The following LMAN1 variants were observed in gnomAD, a reference collection of about 807,000 sequenced individuals.
LMAN1 encodes the protein lectin, mannose binding 1, also known as protein ERGIC-53.
Under a neutral mutation model 67.8 loss-of-function variants are expected in LMAN1, and 32 were observed. The ratio of observed to expected loss-of-function variants is 0.47; its 90% CI spans 0.36 to 0.63. The LOEUF is 0.63. LMAN1 is among the 30% of genes least tolerant of loss of function. The probability of loss-of-function intolerance (pLI) is 0.00; values close to 1 mark genes in which losing one functional copy is unlikely to be tolerated. For synonymous variants in LMAN1, 235 were observed against 219.3 expected, an observed-to-expected ratio of 1.07 and a Z score of -0.63; for missense variants, 632 against 628.2, an observed-to-expected ratio of 1.01 and a Z score of -0.06.
chr18:59,346,280 G>C (rs1020486895), intron 7 of LMAN1, among the ~76,000 whole-genome samples: 2 of 137,778 alleles, frequency 1.5e-5, no homozygotes, highest in Non-Finnish European at 3.0e-5. Flanking sequence ...GAGTGCAGTA[G>C]CGTGATCTCG....
At chr18:59,358,936 G>A in intron 1 of LMAN1, 95 bp downstream of exon 1, 4 of 1,270,732 alleles carry the variant, frequency 3.1e-6, no homozygotes, top group Admixed American at 3.5e-5. Context: ...TGCTGGAACG[G>A]GAACCTCAGC....
chr18:59,345,523 A>G (rs1053589204), intron 8 of LMAN1, among the ~76,000 whole-genome samples: 20 of 152,216 alleles, frequency 1.3e-4, no homozygotes, highest in Non-Finnish European at 2.1e-4. Context: ...AAAACCAAAA[A>G]TATACACTTT....
intron 10 of LMAN1, 64 bp downstream of exon 10, chr18:59,338,493 T>TG (rs1176667631): frequency 2.3e-6 from 3 of 1,322,676 alleles, no homozygotes; most frequent in Non-Finnish European, 3.2e-6. Context: ...CTTGCACACC[T>TG]GAAGTCACAA....
At chr18:59,340,551 A>C (rs1234223292) in intron 8 of LMAN1, among the ~76,000 whole-genome samples, 1 of 152,178 alleles carries the variant, frequency 6.6e-6, no homozygotes, top group African/African-American at 2.4e-5. Flanking sequence ...TCAGCTTCAC[A>C]AATGAAGAAG....
rs2070724028 is a variant in LMAN1 at position 59,328,112 on chromosome 18, G to A, written c.*2981C>T. 1 of 152,210 alleles carries A rather than the reference G, an allele frequency of 6.6e-6. No homozygotes were observed. The highest frequency in any genetic ancestry group is 6.5e-5 in the Admixed American group (1 of 15,276). 9.4% of individuals were successfully genotyped at this position (152,210 alleles called of 1,614,324 possible). A position where few individuals can be genotyped will look rare whatever the true frequency, so the allele number is the denominator to read the frequency against. The stretch of plus-strand genomic sequence containing the variant: ...TCTTCTTTCAATAAGCACATGGACA[G>A]GGAAAGATAATCACACCTTAATATT... On this transcript the variant is annotated 3_prime_UTR_variant, in exon 13 of 13. Coordinates refer to ENST00000251047, the MANE Select transcript of LMAN1 (RefSeq NM_005570.4).
chr18:59,350,717 G>C (rs1036606704), intron 5 of LMAN1, among the ~76,000 whole-genome samples: 1 of 151,972 alleles, frequency 6.6e-6, no homozygotes, highest in Admixed American at 6.6e-5. Context: ...GGATGGTCTT[G>C]ATCTCCTGAC....
At chr18:59,346,295 A>C (rs1479074307) in intron 7 of LMAN1, among the ~76,000 whole-genome samples, 1 of 134,638 alleles carries the variant, frequency 7.4e-6, no homozygotes, top group Non-Finnish European at 1.5e-5. Flanking sequence ...ATCTCGGCTC[A>C]CTGCAACCTC....
At chr18:59,357,829 G>A (rs1348851974) in intron 1 of LMAN1, among the ~76,000 whole-genome samples, 1 of 152,010 alleles carries the variant, frequency 6.6e-6, no homozygotes, top group African/African-American at 2.4e-5. Context: ...TACTTATGGG[G>A]GAGGTGGGAG....
rs759081167 is a variant in LMAN1, at chr18:59,330,342, T to C, written c.*751A>G. ...TTTCATAATATTGACCTGACCCCAT[T>C]GGAATGAAGACATTCAAGAATATGG... is the stretch of plus-strand genomic sequence containing the variant. On this transcript the variant is annotated 3_prime_UTR_variant, in exon 13 of 13. Transcript: ENST00000251047. 2.0e-5 allele frequency: 3 copies of C among 152,538 alleles called. No individual in the cohort carries two copies. The highest frequency in any genetic ancestry group is 2.9e-5 in the Non-Finnish European group (2 of 68,020). 9.4% of individuals were successfully genotyped at this position (152,538 alleles called of 1,614,324 possible).
In LMAN1 at chr18:59,353,197, C is replaced by T; in HGVS notation, c.639+5G>A. The T allele has an allele frequency of 6.2e-7, 1 of 1,602,050 alleles. No individual in the cohort carries two copies. Among genetic ancestry groups the T allele is most frequent in the Non-Finnish European group, 8.6e-7 (1 of 1,169,014 alleles). On this transcript the variant is annotated splice_donor_5th_base_variant and intron_variant, in intron 5 of 12. Transcript: ENST00000251047. ...TTTGATTCTCTCTAAATAGATGTTA[C>T]TTACTGTCAGTGTGTTCTGGTAATA...
intron 8 of LMAN1, among the ~76,000 whole-genome samples, chr18:59,345,449 T>C (rs1381129073): frequency 1.3e-5 from 2 of 152,236 alleles, no homozygotes; most frequent in South Asian, 2.1e-4. Context: ...GTCACATTAC[T>C]TTCACAACAG....
intron 4 of LMAN1, 98 bp downstream of exon 4, chr18:59,354,421 T>C: frequency 2.7e-6 from 2 of 741,890 alleles, no homozygotes; most frequent in Non-Finnish European, 4.8e-6. Flanking sequence ...GAACAGTATT[T>C]TTTTCATTTG....
chr18:59,346,075 G>T, intron 7 of LMAN1, 24 bp from the exon 8 acceptor site: 1 of 1,572,158 alleles, frequency 6.4e-7, no homozygotes, highest in South Asian at 1.2e-5. Context: ...TTTTGGAATA[G>T]ATCATTAAAA....
intron 8 of LMAN1, among the ~76,000 whole-genome samples, chr18:59,345,618 C>G (rs1294038723): frequency 6.6e-6 from 1 of 152,184 alleles, no homozygotes; most frequent in African/African-American, 2.4e-5. Context: ...TTAGTGGTCA[C>G]AGCAATGAAT....
chr18:59,347,681 G>T, intron 6 of LMAN1, 110 bp from the exon 7 acceptor site: 1 of 830,840 alleles, frequency 1.2e-6, no homozygotes. Flanking sequence ...AACCAGTGAG[G>T]GAATTGACAA....
At chr18:59,355,990 A>C (rs992851135) in intron 1 of LMAN1, among the ~76,000 whole-genome samples, 2 of 152,136 alleles carry the variant, frequency 1.3e-5, no homozygotes, top group Admixed American at 1.3e-4. Flanking sequence ...GCTGCAACGT[A>C]TTTTACCTGT....
At position 59,331,419 on chromosome 18, in the gene LMAN1, TATAC is replaced by T. The variant is rs1379658371; in HGVS notation, c.1491_1494del (p.Met497IlefsTer28). The T allele has an allele frequency of 6.2e-7, 1 of 1,605,994 alleles. No homozygotes were observed. The highest frequency in any genetic ancestry group is 1.7e-5 in the Admixed American group (1 of 59,932). ...GTCACATTTTATCAAGAGACTTACC[TATAC>T]ATGATATAACCAATGAATAATACAG... On this transcript the variant is annotated frameshift_variant and splice_region_variant, in exon 12 of 13. Coordinates refer to ENST00000251047, the MANE Select transcript of LMAN1 (RefSeq NM_005570.4). LOFTEE classifies it high-confidence loss of function.
chr18:59,337,972 A>G (rs1188813287), intron 10 of LMAN1, among the ~76,000 whole-genome samples: 1 of 152,176 alleles, frequency 6.6e-6, no homozygotes, highest in Non-Finnish European at 1.5e-5. Context: ...CCAGGCATTG[A>G]AAGCTATTAA....
intron 7 of LMAN1, 47 bp from the exon 8 acceptor site, chr18:59,346,098 C>A: frequency 7.0e-7 from 1 of 1,431,976 alleles, no homozygotes; most frequent in South Asian, 1.2e-5. Context: ...ATAAGAAAAT[C>A]ATTAAGATAT....
Sources: allele counts gnomAD v4.1 joint callset (sites outside exome capture counted in the v4.1 genomes callset), GRCh38; gene constraint gnomAD v4.1.1; transcripts MANE v1.5; gene names NCBI Gene and HGNC (gene_info 2026-07-23, HGNC 2026-07-21).